CRADD: variants seen among roughly 807,000 people sequenced by gnomAD.
CRADD encodes the protein death domain-containing protein CRADD.
CRADD carries 9 observed loss-of-function variants against 15.5 expected under a neutral mutation model. The ratio of observed to expected loss-of-function variants is 0.58; its 90% confidence interval spans 0.35 to 1.01. The LOEUF is 1.01. Among genes scored for constraint, CRADD ranks in the 50% least tolerant of loss-of-function variants. The pLI is 0.02. For synonymous variants in CRADD, 118 were observed against 107.6 expected, an observed-to-expected ratio of 1.10 and a Z score of -0.60; for missense variants, 227 against 250.3, an observed-to-expected ratio of 0.91 and a Z score of 0.63.
intron 2 of CRADD, among the ~76,000 whole-genome samples, chr12:93,682,403 C>T (rs1955332247): frequency 6.6e-6 from 1 of 152,116 alleles, no homozygotes; most frequent in African/African-American, 2.4e-5. Flanking sequence ...TGTATGGATT[C>T]AGTAGTCTCT....
chr12:93,767,142 T>C (rs1168005930), intron 2 of CRADD, among the ~76,000 whole-genome samples: 1 of 152,242 alleles, frequency 6.6e-6, no homozygotes, highest in Admixed American at 6.5e-5. Flanking sequence ...AAGGATCTGG[T>C]TTCTGCATGT....
chr12:93,745,275 C>T (rs987509139), intron 2 of CRADD, among the ~76,000 whole-genome samples: 4 of 152,076 alleles, frequency 2.6e-5, no homozygotes, highest in African/African-American at 9.7e-5. Flanking sequence ...GACAACTATT[C>T]AGAAGTATGA....
At chr12:93,712,167 GT>G (rs1956086092) in intron 2 of CRADD, among the ~76,000 whole-genome samples, 1 of 152,120 alleles carries the variant, frequency 6.6e-6, no homozygotes, top group Admixed American at 6.6e-5. Flanking sequence ...TAAAGGTGGG[GT>G]TAATGAAAGA....
intron 2 of CRADD, among the ~76,000 whole-genome samples, chr12:93,747,265 G>A (rs772131763): frequency 6.6e-6 from 1 of 152,044 alleles, no homozygotes; most frequent in African/African-American, 2.4e-5. Flanking sequence ...GAGCAGAAAA[G>A]GACCTCCTCT....
chr12:93,820,171 T>A (rs935313216), intron 2 of CRADD, among the ~76,000 whole-genome samples: 1 of 152,170 alleles, frequency 6.6e-6, no homozygotes, highest in Non-Finnish European at 1.5e-5. Context: ...GAGCCTGTCT[T>A]TTTTTTCCTC....
chr12:93,757,411 A>G (rs1402907742), intron 2 of CRADD, among the ~76,000 whole-genome samples: 3 of 152,212 alleles, frequency 2.0e-5, no homozygotes, highest in Non-Finnish European at 2.9e-5. Flanking sequence ...GTAGAAAAAT[A>G]GATGGCCAAG....
At chr12:93,887,207 C>T (rs771003514) in intron 2 of CRADD, among the ~76,000 whole-genome samples, 15 of 152,136 alleles carry the variant, frequency 9.9e-5, no homozygotes, top group Non-Finnish European at 1.6e-4. Context: ...GGTCACAAAG[C>T]CCCAGAATTT....
intron 2 of CRADD, among the ~76,000 whole-genome samples, chr12:93,847,034 C>T (rs190420180): frequency 5.5e-4 from 83 of 152,270 alleles, no homozygotes; most frequent in African/African-American, 1.9e-3. Context: ...ACCCAGGAGG[C>T]AGAGCTTGCA....
intron 2 of CRADD, among the ~76,000 whole-genome samples, chr12:93,715,264 A>G (rs1400003534): frequency 6.6e-6 from 1 of 152,180 alleles, no homozygotes; most frequent in Non-Finnish European, 1.5e-5. Context: ...TCCTGACTTC[A>G]TCAGCAAAGA....
chr12:93,853,939 T>C (rs987909018), downstream of CRADD, among the ~76,000 whole-genome samples: 2 of 152,246 alleles, frequency 1.3e-5, no homozygotes, highest in Admixed American at 6.5e-5. Context: ...TTCATTGTTA[T>C]AAACAGTGAT....
At chr12:93,867,403 A>ATATATATATATATATTTTTTT (rs985334638) in intron 2 of CRADD, among the ~76,000 whole-genome samples, 1 of 143,378 alleles carries the variant, frequency 7.0e-6, no homozygotes, top group Non-Finnish European at 1.5e-5. Context: ...ATATATATAT[A>ATATATATATATATATTTTTTT]TTTTTTAAAC....
chr12:93,687,945 TTTTA>T lies in CRADD; in HGVS notation c.298+8876_298+8879del, dbSNP rs1263402876. Among the ~76,000 whole-genome samples the T allele has an allele frequency of 3.3e-5, 5 of 152,318 alleles. No individual in the cohort carries two copies. The East Asian group carries it at 9.6e-4, about 29-fold the overall frequency. On this transcript the variant is annotated intron_variant, in intron 2 of 2. Transcript: ENST00000332896. ...TAGTGAATTTGAATTTGGGAATTAT[TTTTA>T]TTGCTATTCACATTGTTTGGTACAG... is the stretch of plus-strand genomic sequence containing the variant.
chr12:93,680,361 T>G (rs1541985), intron 2 of CRADD, among the ~76,000 whole-genome samples: 1 of 152,134 alleles, frequency 6.6e-6, no homozygotes, highest in Non-Finnish European at 1.5e-5. Flanking sequence ...AAATGAATAC[T>G]GATAATAAGA....
At chr12:93,871,321 A>T (rs1462462400) in intron 2 of CRADD, among the ~76,000 whole-genome samples, 4 of 152,074 alleles carry the variant, frequency 2.6e-5, no homozygotes, top group Non-Finnish European at 4.4e-5. Context: ...ACATTTTTTT[A>T]AAAATTTTGT....
At chr12:93,826,961 A>G (rs1957830956) in intron 2 of CRADD, 1 of 152,216 alleles carries the variant, frequency 6.6e-6, no homozygotes, top group Admixed American at 6.5e-5. Context: ...TGTGATGGCC[A>G]TCCTGCAGTA....
chr12:93,801,324 T>G (rs561652661), intron 2 of CRADD, among the ~76,000 whole-genome samples: 21 of 152,228 alleles, frequency 1.4e-4, no homozygotes, highest in Non-Finnish European at 2.8e-4. Context: ...TTAGCTGGTA[T>G]TGATCTCTGA....
chr12:93,863,316 G>C (rs1336769818), intron 2 of CRADD, among the ~76,000 whole-genome samples: 1 of 152,168 alleles, frequency 6.6e-6, no homozygotes, highest in South Asian at 2.1e-4. Context: ...TCTGCGGTCT[G>C]TCCCCACGCT....
At chr12:93,783,228 GTATTATTATTATTATTAT>G (rs57260302) in intron 2 of CRADD, among the ~76,000 whole-genome samples, 15 of 139,364 alleles carry the variant, frequency 1.1e-4, no homozygotes, top group East Asian at 6.2e-4. Context: ...ACAGGTATAG[GTATTATTATTATTATTAT>G]TATTATTATT....
At chr12:93,814,500 C>T (rs940187046) in intron 2 of CRADD, among the ~76,000 whole-genome samples, 5 of 152,204 alleles carry the variant, frequency 3.3e-5, no homozygotes, top group Admixed American at 6.5e-5. Flanking sequence ...GCCTTCATCA[C>T]GAATCCTAGA....
Sources: allele counts gnomAD v4.1 joint callset (sites outside exome capture counted in the v4.1 genomes callset), GRCh38; gene constraint gnomAD v4.1.1; transcripts MANE v1.5; gene names NCBI Gene and HGNC (gene_info 2026-07-23, HGNC 2026-07-21).